PARD3: variants seen among roughly 807,000 people sequenced by gnomAD.
PARD3 encodes par-3 family cell polarity regulator.
In PARD3, 75 loss-of-function variants were observed where a neutral mutation model predicts 155.4. The ratio of observed to expected loss-of-function variants is 0.48; its 90% CI spans 0.40 to 0.58. PARD3 has a LOEUF of 0.58. PARD3 is among the 20% of genes least tolerant of loss of function. The probability of loss-of-function intolerance (pLI) is 0.00; values close to 1 mark genes in which losing one functional copy is unlikely to be tolerated. For missense variants in PARD3, 1,642 were observed against 1,721.7 expected (o/e 0.95, Z 0.82); for synonymous variants, 576 against 610.5 (o/e 0.94, Z 0.83).
intron 1 of PARD3, among the ~76,000 whole-genome samples, chr10:34,746,492 C>T (rs11009915): frequency 0.22 from 33,167 of 151,978 alleles, 4,723 homozygotes; most frequent in East Asian, 0.54. Flanking sequence ...AATAGTAACA[C>T]ATTTATTAAA....
chr10:34,290,771 A>G (rs2133967132), intron 20 of PARD3, among the ~76,000 whole-genome samples: 1 of 152,258 alleles, frequency 6.6e-6, no homozygotes, highest in Non-Finnish European at 1.5e-5. Flanking sequence ...CCTGTCTTTG[A>G]CCATGGCCAG....
intron 22 of PARD3, among the ~76,000 whole-genome samples, chr10:34,190,578 A>G (rs1360794042): frequency 6.6e-6 from 1 of 152,274 alleles, no homozygotes; most frequent in African/African-American, 2.4e-5. Context: ...TGGGGCCACA[A>G]AGTTTGAGAA....
intron 5 of PARD3, among the ~76,000 whole-genome samples, chr10:34,431,901 G>A (rs1483383247): frequency 1.3e-4 from 20 of 150,336 alleles, no homozygotes; most frequent in Non-Finnish European, 3.0e-4. Flanking sequence ...AATTAGCTGG[G>A]CGTGGTGGCG....
intron 3 of PARD3, among the ~76,000 whole-genome samples, chr10:34,473,891 C>T (rs2078525842): frequency 1.3e-5 from 2 of 152,202 alleles, no homozygotes; most frequent in Admixed American, 6.5e-5. Flanking sequence ...CATAGAGCAC[C>T]CCTGCTCTGC....
At chr10:34,480,082 G>C (rs1233086155) in intron 3 of PARD3, among the ~76,000 whole-genome samples, 3 of 152,228 alleles carry the variant, frequency 2.0e-5, no homozygotes, top group Non-Finnish European at 4.4e-5. Flanking sequence ...GCAGGCACAA[G>C]GCAGACGGCA....
intron 22 of PARD3, among the ~76,000 whole-genome samples, chr10:34,151,391 A>G (rs538285698): frequency 5.3e-4 from 80 of 152,224 alleles, no homozygotes; most frequent in African/African-American, 1.9e-3. Context: ...GAAAATCAAG[A>G]TGTTTGGCAC....
chr10:34,410,414 A>G (rs765601815), intron 5 of PARD3, among the ~76,000 whole-genome samples: 13 of 152,154 alleles, frequency 8.5e-5, no homozygotes, highest in Admixed American at 3.3e-4. Flanking sequence ...ATGATTCAAT[A>G]TTCTATCGGG....
At chr10:34,301,818 CTTTTTTTTT>C (rs5784408) in intron 20 of PARD3, among the ~76,000 whole-genome samples, 1 of 125,870 alleles carries the variant, frequency 7.9e-6, no homozygotes, top group Non-Finnish European at 1.6e-5. Context: ...TTTCTCCTTT[CTTTTTTTTT>C]TTTTTTTTTT....
intron 1 of PARD3, among the ~76,000 whole-genome samples, chr10:34,769,799 CA>C (rs372925164): frequency 3.0e-5 from 2 of 66,634 alleles, no homozygotes; most frequent in African/African-American, 1.2e-4. Context: ...AACAAAAAAA[CA>C]AAACAAAAAA....
At chr10:34,814,579 C>T (rs1022268753) in intron 1 of PARD3, among the ~76,000 whole-genome samples, 1 of 151,946 alleles carries the variant, frequency 6.6e-6, no homozygotes, top group Non-Finnish European at 1.5e-5. Flanking sequence ...GCGCCCAGGG[C>T]CGGCCTATGC....
At chr10:34,464,238 G>A (rs566246327) in intron 4 of PARD3, among the ~76,000 whole-genome samples, 2 of 152,052 alleles carry the variant, frequency 1.3e-5, no homozygotes, top group South Asian at 2.1e-4. Context: ...TTCAGCTCTT[G>A]GAAGTCTACA....
At chr10:34,529,391 T>C (rs932603282) in intron 2 of PARD3, among the ~76,000 whole-genome samples, 21 of 152,274 alleles carry the variant, frequency 1.4e-4, no homozygotes, top group African/African-American at 4.8e-4. Flanking sequence ...AAAAGTAGCA[T>C]GGAATAGCTG....
intron 19 of PARD3, among the ~76,000 whole-genome samples, chr10:34,318,910 C>A (rs910020177): frequency 6.6e-6 from 1 of 151,296 alleles, no homozygotes; most frequent in Non-Finnish European, 1.5e-5. Flanking sequence ...GGATTACAGG[C>A]GCCCACCACC....
intron 22 of PARD3, among the ~76,000 whole-genome samples, chr10:34,226,883 G>C (rs1952626323): frequency 6.6e-6 from 1 of 152,034 alleles, no homozygotes; most frequent in African/African-American, 2.4e-5. Context: ...ATAAAGGAAG[G>C]AACTATTGAT....
At position 34,353,861 on chromosome 10, in the gene PARD3, A is replaced by T. The variant is rs1368375973; in HGVS notation, c.2067+5286T>A. Among the ~76,000 whole-genome samples the T allele has an allele frequency of 2.0e-5, 3 of 151,988 alleles. No homozygotes were observed. The East Asian group carries it at 5.8e-4, about 29-fold the overall frequency. ...TGAAACGATGGAAAAGAATGCAGGG[A>T]CTCAGTTTTTCTCTAAAAAAGTGAA... On this transcript the variant is annotated intron_variant, in intron 14 of 24. Transcript: ENST00000374788.
intron 2 of PARD3, among the ~76,000 whole-genome samples, chr10:34,646,634 A>G (rs539222336): frequency 1.3e-4 from 20 of 152,298 alleles, no homozygotes; most frequent in Admixed American, 6.5e-5. Context: ...CTTAGATGGG[A>G]GCGTTTCCCA....
At chr10:34,261,769 G>GAAAGAA (rs1954997360) in intron 22 of PARD3, among the ~76,000 whole-genome samples, 1 of 67,660 alleles carries the variant, frequency 1.5e-5, no homozygotes. Context: ...AGGAAGGAAG[G>GAAAGAA]AAGAAAGAAA....
intron 23 of PARD3, among the ~76,000 whole-genome samples, chr10:34,126,026 C>G (rs1256948478): frequency 6.6e-6 from 1 of 152,192 alleles, no homozygotes; most frequent in Non-Finnish European, 1.5e-5. Context: ...GTGATAATAA[C>G]CCTAACCTCA....
intron 1 of PARD3, among the ~76,000 whole-genome samples, chr10:34,801,514 C>T (rs189957648): frequency 1.3e-5 from 2 of 152,296 alleles, no homozygotes; most frequent in East Asian, 3.9e-4. Context: ...GCAAGTCTGA[C>T]TTCATCGCAC....
Sources: gnomAD v4.1 joint callset for allele counts (sites outside exome capture counted in the v4.1 genomes callset) on GRCh38, gnomAD v4.1.1 for gene constraint, MANE v1.5 for transcripts, NCBI Gene and HGNC (gene_info 2026-07-23, HGNC 2026-07-21) for gene names.